TSPAN9: variants seen among roughly 807,000 people sequenced by gnomAD.
TSPAN9 encodes tetraspanin 9.
TSPAN9 carries 16 observed loss-of-function variants against 31.0 expected under a neutral mutation model. That is an observed-to-expected ratio of 0.52 (90% CI 0.35 to 0.78). The LOEUF (loss-of-function observed/expected upper bound fraction) is 0.78. Ranked by LOEUF, TSPAN9 falls within the 30% of genes least tolerant of loss-of-function variation. The probability of loss-of-function intolerance (pLI) is 0.01; values close to 1 mark genes in which losing one functional copy is unlikely to be tolerated. For synonymous variants in TSPAN9, 145 were observed against 121.6 expected (o/e 1.19, Z -1.27); for missense variants, 272 against 312.5 (o/e 0.87, Z 0.98).
At chr12:3,188,298 G>A (rs184063009) in intron 2 of TSPAN9, among the ~76,000 whole-genome samples, 2 of 152,250 alleles carry the variant, frequency 1.3e-5, no homozygotes, top group Non-Finnish European at 2.9e-5. Flanking sequence ...GTGTCTCCCC[G>A]GGTTCCACAG....
At chr12:3,207,536 A>C (rs1591677131) in intron 3 of TSPAN9, among the ~76,000 whole-genome samples, 1 of 152,052 alleles carries the variant, frequency 6.6e-6, no homozygotes, top group Non-Finnish European at 1.5e-5. Flanking sequence ...GTGGCTTCTA[A>C]CTCGACTCTT....
At chr12:3,275,773 G>A (rs1400533836) in intron 3 of TSPAN9, among the ~76,000 whole-genome samples, 1 of 152,220 alleles carries the variant, frequency 6.6e-6, no homozygotes, top group Non-Finnish European at 1.5e-5. Context: ...AGGAGGCACA[G>A]GCCCACTCTC....
chr12:3,162,928 C>T (rs954053126), intron 2 of TSPAN9, among the ~76,000 whole-genome samples: 6 of 152,206 alleles, frequency 3.9e-5, no homozygotes, highest in Middle Eastern at 3.2e-3. Flanking sequence ...GGCAGCAGAA[C>T]GTCGGAGGGA....
At chr12:3,096,001 CG>C (rs1429315195) in intron 2 of TSPAN9, among the ~76,000 whole-genome samples, 2 of 148,224 alleles carry the variant, frequency 1.3e-5, no homozygotes, top group Admixed American at 6.6e-5. Context: ...TCCTTGCCCT[CG>C]GGCCCCGCGG....
Position 3,080,804 on chromosome 12 carries a change from A to T in TSPAN9, c.-84-2849A>T, listed in dbSNP as rs1040928695. Among the ~76,000 whole-genome samples, 8 of 152,298 alleles carry T rather than the reference A, an allele frequency of 5.3e-5. No homozygotes were observed. The East Asian group carries it at 5.8e-4, about 11-fold the overall frequency. On this transcript the variant is annotated intron_variant, in intron 1 of 8. Transcript: ENST00000011898. ...CTCCTCCCAGCCTCTGGCAGCCACT[A>T]TTCTGTCTGTTTAGTGTGCTTTATT...
chr12:3,158,094 T>C (rs940874441), intron 2 of TSPAN9, among the ~76,000 whole-genome samples: 1 of 152,238 alleles, frequency 6.6e-6, no homozygotes, highest in Admixed American at 6.5e-5. Context: ...CCTGCGGGGT[T>C]TCCTCTTCTT....
chr12:3,081,658 T>A (rs1245165776), intron 1 of TSPAN9, among the ~76,000 whole-genome samples: 1 of 152,030 alleles, frequency 6.6e-6, no homozygotes, highest in Non-Finnish European at 1.5e-5. Flanking sequence ...ACAGTGTATG[T>A]GTCACATGTA....
intron 2 of TSPAN9, among the ~76,000 whole-genome samples, chr12:3,164,034 C>A (rs902082389): frequency 6.6e-6 from 1 of 152,148 alleles, no homozygotes; most frequent in Admixed American, 6.5e-5. Context: ...AGGAGGGGAC[C>A]CACTTAGAAG....
intron 2 of TSPAN9, among the ~76,000 whole-genome samples, chr12:3,194,348 C>T (rs758580495): frequency 6.6e-6 from 1 of 152,188 alleles, no homozygotes; most frequent in South Asian, 2.1e-4. Flanking sequence ...TTGTGTCCCT[C>T]TGTCTGTGAA....
At chr12:3,092,561 G>A (rs2098305350) in intron 2 of TSPAN9, among the ~76,000 whole-genome samples, 1 of 152,226 alleles carries the variant, frequency 6.6e-6, no homozygotes. Flanking sequence ...GAAGGGATAA[G>A]ATTGCTACAG....
At chr12:3,197,477 GT>G (rs1377228499) in intron 2 of TSPAN9, among the ~76,000 whole-genome samples, 2 of 152,318 alleles carry the variant, frequency 1.3e-5, no homozygotes, top group East Asian at 3.9e-4. Flanking sequence ...TACACACTAG[GT>G]TTTATTCTTG....
chr12:3,124,268 A>C (rs915641387), intron 2 of TSPAN9, among the ~76,000 whole-genome samples: 1 of 152,198 alleles, frequency 6.6e-6, no homozygotes, highest in Non-Finnish European at 1.5e-5. Flanking sequence ...AATTATTTGG[A>C]AGTTTATATC....
At chr12:3,130,277 G>C (rs1159014645) in intron 2 of TSPAN9, among the ~76,000 whole-genome samples, 1 of 152,234 alleles carries the variant, frequency 6.6e-6, no homozygotes, top group Non-Finnish European at 1.5e-5. Flanking sequence ...CCCTAAAGCT[G>C]ATCGAGCTGG....
chr12:3,151,816 G>A (rs1488620682), intron 2 of TSPAN9, among the ~76,000 whole-genome samples: 1 of 152,156 alleles, frequency 6.6e-6, no homozygotes, highest in Non-Finnish European at 1.5e-5. Context: ...CCAGCTACTC[G>A]GGAGGCTGAG....
chr12:3,213,534 G>A (rs1288115589), intron 3 of TSPAN9, among the ~76,000 whole-genome samples: 1 of 152,152 alleles, frequency 6.6e-6, no homozygotes, highest in Admixed American at 6.5e-5. Flanking sequence ...AGAGAGCAAG[G>A]GTGGAGGGAG....
At chr12:3,174,864 G>A (rs2098354501) in intron 2 of TSPAN9, among the ~76,000 whole-genome samples, 1 of 152,148 alleles carries the variant, frequency 6.6e-6, no homozygotes, top group Non-Finnish European at 1.5e-5. Flanking sequence ...TTACAGGCGT[G>A]AGCCACCGCA....
rs975101304 is a variant in TSPAN9 at position 3,147,030 on chromosome 12, A to G, written c.-17-54147A>G. 1.3e-5 allele frequency among the ~76,000 whole-genome samples: 2 copies of G among 152,136 alleles called. No homozygotes were observed. The highest frequency in any genetic ancestry group is 2.9e-5 in the Non-Finnish European group (2 of 68,028). On this transcript the variant is annotated intron_variant, in intron 2 of 8. Transcript: ENST00000011898. The surrounding 1 kb of genome is among the most constrained non-coding windows in gnomAD (Gnocchi z 4.3). Reference sequence around the variant, plus strand: ...AGTATTTTGGACATCAAATGGGTAGATGTAAGTGAAAGTTCATTGTTGGTA... The same window carrying G: ...AGTATTTTGGACATCAAATGGGTAGGTGTAAGTGAAAGTTCATTGTTGGTA...
At chr12:3,111,500 G>A (rs1266912380) in intron 2 of TSPAN9, among the ~76,000 whole-genome samples, 1 of 151,950 alleles carries the variant, frequency 6.6e-6, no homozygotes, top group Non-Finnish European at 1.5e-5. Flanking sequence ...GTTTATGTGA[G>A]GATTAAATGA....
At chr12:3,218,748 T>C (rs989186711) in intron 3 of TSPAN9, among the ~76,000 whole-genome samples, 1 of 152,174 alleles carries the variant, frequency 6.6e-6, no homozygotes, top group East Asian at 1.9e-4. Context: ...CTCTCTGCAG[T>C]GATTAAGACA....
Sources: allele counts gnomAD v4.1 joint callset (sites outside exome capture counted in the v4.1 genomes callset), GRCh38; gene constraint gnomAD v4.1.1; non-coding constraint Gnocchi (gnomAD v3.1); transcripts MANE v1.5; gene names NCBI Gene and HGNC (gene_info 2026-07-23, HGNC 2026-07-21).